IL16: variants seen among roughly 807,000 people sequenced by gnomAD.
IL16 encodes interleukin 16, also known as pro-interleukin-16.
IL16 carries 67 observed loss-of-function variants against 110.1 expected under a neutral mutation model. The observed-to-expected ratio is 0.61, with a 90% CI of 0.50 to 0.75. IL16 has a LOEUF of 0.75. Ranked by LOEUF, IL16 falls within the 30% of genes least tolerant of loss-of-function variation. The pLI, the probability that IL16 is intolerant of heterozygous loss-of-function variation, is 0.00. For synonymous variants in IL16, 689 were observed against 662.9 expected (o/e 1.04, Z -0.61); for missense variants, 1,545 against 1,655.0 (o/e 0.93, Z 1.15).
chr15:81,183,196 AC>A lies in IL16; in HGVS notation c.40+303del, dbSNP rs569734513. On this transcript the variant is annotated intron_variant, in intron 1 of 18. Transcript: ENST00000302987. ...GGACCCCCACAGGGGAGGAGAGTGA[AC>A]CCTGGCCAGGGCAATGGTTTTCCAT... Among the ~76,000 whole-genome samples, 317 of 152,292 alleles carry A rather than the reference AC, an allele frequency of 2.1e-3. 1 individual carries two copies. The highest frequency in any genetic ancestry group is 6.8e-3 in the African/African-American group (282 of 41,570).
intron 10 of IL16, among the ~76,000 whole-genome samples, chr15:81,288,529 CATT>C (rs1899553681): frequency 6.6e-6 from 1 of 152,208 alleles, no homozygotes; most frequent in Non-Finnish European, 1.5e-5. Flanking sequence ...AGGACATTCT[CATT>C]GTTGTGCAAC....
At chr15:81,293,824 C>T (rs549139213) in intron 12 of IL16, among the ~76,000 whole-genome samples, 11 of 152,210 alleles carry the variant, frequency 7.2e-5, no homozygotes, top group Non-Finnish European at 1.5e-4. Flanking sequence ...CCATTTTATG[C>T]GCAGGCTAAC....
chr15:81,244,309 C>A (rs898021325), intron 2 of IL16, among the ~76,000 whole-genome samples: 2 of 151,670 alleles, frequency 1.3e-5, no homozygotes, highest in African/African-American at 2.4e-5. Flanking sequence ...TTTTAAGATT[C>A]TTTTTGTTTG....
chr15:81,222,848 G>A (rs1359462477), intron 1 of IL16, among the ~76,000 whole-genome samples: 4 of 152,010 alleles, frequency 2.6e-5, no homozygotes, highest in African/African-American at 4.8e-5. Flanking sequence ...ATGGAAAGAA[G>A]TTTGGACATA....
At chr15:81,185,277 C>A (rs959974014) in intron 1 of IL16, among the ~76,000 whole-genome samples, 1 of 152,132 alleles carries the variant, frequency 6.6e-6, no homozygotes, top group Non-Finnish European at 1.5e-5. Context: ...CTCCTAATTT[C>A]CTATTTACTT....
chr15:81,306,517 G>A lies in IL16; in HGVS notation c.3777G>A (p.Lys1259=), dbSNP rs1276035617. ...EGGKGSLHGD[K]PLTINRIFKG... is the part of the protein sequence containing the mutation. ...GGAAGGGCTCCCTACACGGAGACAA[G>A]CCTCTCACCATTAACAGGATTTTCA... Residue 1259 remains lysine, a synonymous_variant, in exon 18 of 19, where the codon AAG becomes AAA. Coordinates refer to ENST00000683961, the MANE Select transcript of IL16 (RefSeq NM_172217.5). The A allele has an allele frequency of 1.2e-6, 2 of 1,613,570 alleles. No homozygotes were observed. Among genetic ancestry groups the A allele is most frequent in the Non-Finnish European group, 1.7e-6 (2 of 1,180,042 alleles).
At chr15:81,188,359 T>A in intron 1 of IL16, 1 of 456,270 alleles carries the variant, frequency 2.2e-6, no homozygotes, top group South Asian at 1.5e-5. Flanking sequence ...GCAGAGGGTG[T>A]GTGGAGCACT....
intron 1 of IL16, among the ~76,000 whole-genome samples, chr15:81,184,960 A>G (rs143653618): frequency 1.6e-3 from 250 of 152,316 alleles, no homozygotes; most frequent in African/African-American, 5.8e-3. Flanking sequence ...GGTCTCCACC[A>G]TAGGTGCCTT....
intron 2 of IL16, among the ~76,000 whole-genome samples, chr15:81,249,494 C>T (rs1351421059): frequency 2.0e-5 from 3 of 152,016 alleles, no homozygotes; most frequent in African/African-American, 7.2e-5. Flanking sequence ...TTGATGATTA[C>T]ACTGAACTAA....
chr15:81,226,667 C>T (rs1896798906), intron 2 of IL16, among the ~76,000 whole-genome samples: 1 of 152,192 alleles, frequency 6.6e-6, no homozygotes, highest in African/African-American at 2.4e-5. Context: ...CTTAAGGACT[C>T]CACAGCATCC....
At chr15:81,293,829 G>T (rs1899859412) in intron 12 of IL16, among the ~76,000 whole-genome samples, 1 of 152,182 alleles carries the variant, frequency 6.6e-6, no homozygotes, top group South Asian at 2.1e-4. Context: ...TTATGCGCAG[G>T]CTAACCACAC....
chr15:81,262,208 G>A (rs1898184656), intron 3 of IL16, among the ~76,000 whole-genome samples: 1 of 151,940 alleles, frequency 6.6e-6, no homozygotes. Flanking sequence ...AAAGCCTCTT[G>A]GTTAAATTAA....
At chr15:81,248,142 T>G (rs1897633954) in intron 2 of IL16, among the ~76,000 whole-genome samples, 1 of 152,234 alleles carries the variant, frequency 6.6e-6, no homozygotes, top group African/African-American at 2.4e-5. Context: ...AAAGCAGTTA[T>G]AATTTATATC....
At chr15:81,186,337 C>G (rs1156827534) in intron 1 of IL16, among the ~76,000 whole-genome samples, 4 of 152,192 alleles carry the variant, frequency 2.6e-5, no homozygotes, top group Non-Finnish European at 5.9e-5. Flanking sequence ...AAACAAGACA[C>G]AGGGAGTTTA....
chr15:81,278,792 A>C, intron 6 of IL16, 25 bp from the exon 7 acceptor site: 1 of 1,519,270 alleles, frequency 6.6e-7, no homozygotes, highest in South Asian at 1.1e-5. Context: ...CACTCTTCTT[A>C]GCTACACTTT....
intron 1 of IL16, among the ~76,000 whole-genome samples, chr15:81,190,652 G>T (rs1341743807): frequency 6.6e-6 from 1 of 152,150 alleles, no homozygotes; most frequent in Non-Finnish European, 1.5e-5. Flanking sequence ...TGGTGAGCAG[G>T]CCTATGCAAA....
chr15:81,303,153 G>A lies in IL16; in HGVS notation c.3319-396G>A, dbSNP rs1217628881. ...GAAGAAGGAGCAACCAATTCCTGCA[G>A]AACAGCACTGACCCCTGTTTTGTTT... On this transcript the variant is annotated intron_variant, in intron 15 of 18. Coordinates refer to ENST00000683961, the MANE Select transcript of IL16 (RefSeq NM_172217.5). This position sits in a 1 kb window ranked among gnomAD's most constrained non-coding sequence, Gnocchi z 4.1. The A allele has an allele frequency of 5.6e-6, 1 of 177,016 alleles. No individual in the cohort carries two copies. Among genetic ancestry groups the A allele is most frequent in the African/African-American group, 2.4e-5 (1 of 41,202 alleles). 11.0% of individuals were successfully genotyped at this position (177,016 alleles called of 1,614,324 possible).
intron 2 of IL16, among the ~76,000 whole-genome samples, chr15:81,243,920 G>A (rs1364439520): frequency 1.3e-5 from 2 of 152,046 alleles, no homozygotes; most frequent in Non-Finnish European, 2.9e-5. Flanking sequence ...TCTGATATTA[G>A]TAATTTGTGT....
chr15:81,292,838 C>A lies in IL16; in HGVS notation c.1703C>A (p.Pro568His). 2 of 1,614,014 alleles carry A rather than the reference C, an allele frequency of 1.2e-6. No individual in the cohort carries two copies. Among genetic ancestry groups the A allele is most frequent in the Non-Finnish European group, 1.7e-6 (2 of 1,179,970 alleles). Residue 568 changes from proline to histidine, a missense_variant, in exon 12 of 19, where the codon CCC (proline) becomes CAC (histidine). Physicochemically the swap from Pro to His is moderately conservative, Grantham distance 77. Coordinates refer to ENST00000683961, the MANE Select transcript of IL16 (RefSeq NM_172217.5). ...ASSRLPQESPPLPESRDSHPP... is the reference protein window; with the variant it reads ...ASSRLPQESPHLPESRDSHPP... ...TCCAGGCTGCCCCAGGAGAGCCCACCCCTCCCAGAGAGCCGGGACAGCCAC... is the reference window on the plus strand; with the variant it reads ...TCCAGGCTGCCCCAGGAGAGCCCACACCTCCCAGAGAGCCGGGACAGCCAC...
Sources: allele counts gnomAD v4.1 joint callset (sites outside exome capture counted in the v4.1 genomes callset), GRCh38; gene constraint gnomAD v4.1.1; non-coding constraint Gnocchi (gnomAD v3.1); transcripts MANE v1.5; gene names NCBI Gene and HGNC (gene_info 2026-07-23, HGNC 2026-07-21).